The following WDR27 variants were observed in gnomAD, a reference collection of about 807,000 sequenced individuals.
WDR27 encodes WD repeat domain 27, also known as WD repeat-containing protein 27.
In WDR27, 100 loss-of-function variants were observed where a neutral mutation model predicts 114.4. The observed-to-expected ratio is 0.87, with a 90% CI of 0.74 to 1.03. WDR27 has a LOEUF of 1.03. WDR27 is among the 50% of genes least tolerant of loss of function. The pLI is 0.00. For missense variants in WDR27, 1,129 were observed against 1,092.9 expected (o/e 1.03, Z -0.47); for synonymous variants, 449 against 423.1 (o/e 1.06, Z -0.75).
At chr6:169,700,257 G>C (rs1027147357) in intron 1 of WDR27, among the ~76,000 whole-genome samples, 1 of 152,224 alleles carries the variant, frequency 6.6e-6, no homozygotes, top group African/African-American at 2.4e-5. Context: ...GGAGAGAACT[G>C]TGCAATCCTG....
intron 25 of WDR27, among the ~76,000 whole-genome samples, chr6:169,498,404 C>CACT (rs1317647928): frequency 1.3e-5 from 2 of 151,970 alleles, no homozygotes; most frequent in Non-Finnish European, 2.9e-5. Context: ...CTCAATATTG[C>CACT]TAAACTATGC....
At chr6:169,582,746 A>G in intron 24 of WDR27, 90 bp downstream of exon 24, 1 of 1,027,630 alleles carries the variant, frequency 9.7e-7, no homozygotes, top group Non-Finnish European at 1.4e-6. Context: ...GTATTATAAG[A>G]TTTCACCAAA....
Position 169,520,704 on chromosome 6 carries a change from G to T in WDR27, c.2645+51715C>A, listed in dbSNP as rs116076589. Among the ~76,000 whole-genome samples, 787 of 152,052 alleles carry T rather than the reference G, an allele frequency of 5.2e-3. 6 individuals carry two copies. Among genetic ancestry groups the T allele is most frequent in the African/African-American group, 0.018 (753 of 41,496 alleles). On this transcript the variant is annotated intron_variant, in intron 25 of 25. Transcript: ENST00000448612. ...AGAAAAAATTAACAAAGCGATTAAA[G>T]AGAAAATCTTGGAACTGAGAAATAC... is the stretch of plus-strand genomic sequence containing the variant.
intron 25 of WDR27, among the ~76,000 whole-genome samples, chr6:169,474,085 C>T (rs1786808241): frequency 6.6e-6 from 1 of 152,194 alleles, no homozygotes; most frequent in Admixed American, 6.5e-5. Flanking sequence ...ATTAGGATGT[C>T]CCCCATAGAG....
At chr6:169,593,709 C>T (rs1015019471) in intron 23 of WDR27, among the ~76,000 whole-genome samples, 15 of 151,858 alleles carry the variant, frequency 9.9e-5, no homozygotes, top group African/African-American at 2.4e-4. Context: ...CATAGCTGGG[C>T]GTGGTGGCGG....
chr6:169,486,480 T>C (rs929443982), intron 25 of WDR27, among the ~76,000 whole-genome samples: 8 of 151,566 alleles, frequency 5.3e-5, no homozygotes, highest in African/African-American at 2.0e-4. Context: ...CAGGGTTATT[T>C]ATATTTCATT....
At chr6:169,447,683 G>C in the WDR27 span, among the ~76,000 whole-genome samples, 30 of 152,236 alleles carry the variant, frequency 2.0e-4, no homozygotes, top group African/African-American at 6.0e-4. Flanking sequence ...CACAGGTGGG[G>C]TTTCCATCAA....
chr6:169,536,099 A>C (rs561242404), intron 25 of WDR27, among the ~76,000 whole-genome samples: 1 of 152,360 alleles, frequency 6.6e-6, no homozygotes, highest in Admixed American at 6.5e-5. Context: ...CTCTGTGCCA[A>C]CAGAAAAAAA....
the WDR27 span, among the ~76,000 whole-genome samples, chr6:169,438,774 G>A: frequency 6.6e-6 from 1 of 152,140 alleles, no homozygotes; most frequent in Non-Finnish European, 1.5e-5. Flanking sequence ...CAAGTAATCA[G>A]CCTAAGAAAC....
In WDR27 at chr6:169,659,573, A is replaced by G. The variant is rs1156488964; in HGVS notation, c.1130-55T>C. 2.0e-6 allele frequency: 3 copies of G among 1,526,122 alleles called. No individual in the cohort carries two copies. The highest frequency in any genetic ancestry group is 2.7e-6 in the Non-Finnish European group (3 of 1,121,406). 94.5% of individuals were successfully genotyped at this position (1,526,122 alleles called of 1,614,324 possible). On this transcript the variant is annotated intron_variant, in intron 10 of 25. Coordinates refer to ENST00000448612, the MANE Select transcript of WDR27 (RefSeq NM_182552.5). The surrounding 1 kb of genome is among the most constrained non-coding windows in gnomAD (Gnocchi z 4.3). ...TGATGGGGAGGGAGGTAGCACATAC[A>G]CACGGAGTCACTGCCCAGAGCCCAC...
intron 25 of WDR27, among the ~76,000 whole-genome samples, chr6:169,506,228 T>C (rs573902586): frequency 6.6e-6 from 1 of 152,184 alleles, no homozygotes; most frequent in East Asian, 1.9e-4. Context: ...TGGGAGAAAA[T>C]TGGCATAAAC....
chr6:169,527,893 G>C (rs1795131817), intron 25 of WDR27, among the ~76,000 whole-genome samples: 1 of 152,212 alleles, frequency 6.6e-6, no homozygotes, highest in East Asian at 1.9e-4. Flanking sequence ...AAAATTGATA[G>C]ACTGGCTTTG....
At chr6:169,501,864 C>T (rs1333305445) in intron 25 of WDR27, among the ~76,000 whole-genome samples, 1 of 152,194 alleles carries the variant, frequency 6.6e-6, no homozygotes, top group Non-Finnish European at 1.5e-5. Flanking sequence ...CACAGGACTT[C>T]GTCAATGAAG....
chr6:169,522,328 C>T (rs1333792516), intron 25 of WDR27, among the ~76,000 whole-genome samples: 2 of 151,890 alleles, frequency 1.3e-5, no homozygotes, highest in Middle Eastern at 3.2e-3. Context: ...AGTATATAAA[C>T]ATTAATAAAT....
downstream of WDR27, among the ~76,000 whole-genome samples, chr6:169,455,036 T>C (rs969113132): frequency 6.6e-6 from 1 of 152,224 alleles, no homozygotes; most frequent in African/African-American, 2.4e-5. Context: ...TGTCTGAACC[T>C]GGACTTTCCT....
At chr6:169,613,526 A>T in intron 22 of WDR27, 33 bp downstream of exon 22, 1 of 1,526,560 alleles carries the variant, frequency 6.6e-7, no homozygotes, top group Middle Eastern at 1.7e-4. Flanking sequence ...TGAGCTCCCC[A>T]CCCCTGCAGT....
rs148740848 is a variant in WDR27 at position 169,642,677 on chromosome 6, C to G, written c.1747+1020G>C. Among the ~76,000 whole-genome samples, 285 of 152,182 alleles carry G rather than the reference C, an allele frequency of 1.9e-3. 3 individuals are homozygous for G. The highest frequency in any genetic ancestry group is 0.01 in the Middle Eastern group (3 of 294). On this transcript the variant is annotated intron_variant, in intron 17 of 25. Coordinates refer to ENST00000448612, the MANE Select transcript of WDR27 (RefSeq NM_182552.5). ...TGCCTGCCCTTGGGGGCCTGCTAGACCTGGCCCTGGGTGTTAGCAAGCAGA... is the reference window on the plus strand; with the variant it reads ...TGCCTGCCCTTGGGGGCCTGCTAGAGCTGGCCCTGGGTGTTAGCAAGCAGA...
chr6:169,667,183 C>T lies in WDR27; in HGVS notation c.665G>A (p.Trp222Ter). 1.3e-6 allele frequency: 2 copies of T among 1,519,332 alleles called. No homozygotes were observed. The highest frequency in any genetic ancestry group is 2.3e-5 in the Admixed American group (1 of 42,996). 94.1% of individuals were successfully genotyped at this position (1,519,332 alleles called of 1,614,324 possible). The change falls in exon 6 of 26, where the codon TGG becomes TAG. Residue 222 changes from tryptophan (W) to a stop codon, truncating the protein, a stop_gained. Coordinates refer to ENST00000448612, the MANE Select transcript of WDR27 (RefSeq NM_182552.5). LOFTEE classifies it high-confidence loss of function. The stretch of plus-strand genomic sequence containing the variant: ...TATTAATGATCCTGTACAATGGTCC[C>T]AGACCTTTGGATAAACACAGGATTC... ...SASEDRGFKV[W>*]DHCTGSLIYS...
intron 23 of WDR27, among the ~76,000 whole-genome samples, chr6:169,583,687 A>C (rs932098933): frequency 6.6e-6 from 1 of 151,970 alleles, no homozygotes; most frequent in Non-Finnish European, 1.5e-5. Flanking sequence ...CTGAAAGCCT[A>C]CTAGTAATAA....
Sources: gnomAD v4.1 joint callset for allele counts (sites outside exome capture counted in the v4.1 genomes callset) on GRCh38, gnomAD v4.1.1 for gene constraint, Gnocchi (gnomAD v3.1) non-coding constraint, MANE v1.5 for transcripts, NCBI Gene and HGNC (gene_info 2026-07-23, HGNC 2026-07-21) for gene names.